Variants in SMAP1 observed in about 807,000 individuals in gnomAD.
SMAP1 encodes stromal membrane-associated protein 1.
In SMAP1, 24 loss-of-function variants were observed where a neutral mutation model predicts 58.5. The ratio of observed to expected loss-of-function variants is 0.41; its 90% confidence interval spans 0.30 to 0.58. The LOEUF is 0.58. SMAP1 is among the 20% of genes least tolerant of loss of function. The pLI is 0.29. For synonymous variants in SMAP1, 216 were observed against 196.6 expected, an observed-to-expected ratio of 1.10 and a Z score of -0.82; for missense variants, 563 against 566.3, an observed-to-expected ratio of 0.99 and a Z score of 0.06.
chr6:70,707,364 CT>C (rs891850094), intron 1 of SMAP1, among the ~76,000 whole-genome samples: 5 of 150,672 alleles, frequency 3.3e-5, no homozygotes, highest in Non-Finnish European at 4.4e-5. Flanking sequence ...TCCTCATTAA[CT>C]TTTTTTTTAG....
intron 2 of SMAP1, among the ~76,000 whole-genome samples, chr6:70,738,858 G>A (rs2149870543): frequency 6.6e-6 from 1 of 152,270 alleles, no homozygotes; most frequent in African/African-American, 2.4e-5. Context: ...AGATGTTTAG[G>A]ATTATAAGAG....
intron 1 of SMAP1, among the ~76,000 whole-genome samples, chr6:70,697,703 A>G (rs556286980): frequency 6.6e-6 from 1 of 152,036 alleles, no homozygotes; most frequent in Non-Finnish European, 1.5e-5. Context: ...TTTTGACTTG[A>G]TGTTACCATG....
chr6:70,712,035 T>TC (rs796702566), intron 1 of SMAP1, among the ~76,000 whole-genome samples: 23 of 152,338 alleles, frequency 1.5e-4, no homozygotes, highest in African/African-American at 5.5e-4. Context: ...TTTCAGTTTC[T>TC]CCCCCACAGA....
At chr6:70,749,765 C>T (rs1263259767) in intron 2 of SMAP1, among the ~76,000 whole-genome samples, 1 of 151,942 alleles carries the variant, frequency 6.6e-6, no homozygotes, top group Non-Finnish European at 1.5e-5. Flanking sequence ...GGACAAAGTA[C>T]AGGGGTAAGA....
chr6:70,795,618 T>C (rs1276612194), intron 5 of SMAP1, among the ~76,000 whole-genome samples: 2 of 152,132 alleles, frequency 1.3e-5, no homozygotes, highest in Non-Finnish European at 2.9e-5. Context: ...CCTAATAATA[T>C]CACATTGGGG....
intron 1 of SMAP1, among the ~76,000 whole-genome samples, chr6:70,702,933 C>T (rs923703302): frequency 6.6e-6 from 1 of 152,122 alleles, no homozygotes; most frequent in African/African-American, 2.4e-5. Context: ...TGCCTGTCCC[C>T]ATGTTCAGTC....
intron 6 of SMAP1, among the ~76,000 whole-genome samples, chr6:70,802,722 T>C (rs951436905): frequency 7.2e-5 from 11 of 152,342 alleles, no homozygotes; most frequent in African/African-American, 1.9e-4. Flanking sequence ...TGAAGGGCTG[T>C]TGAATTTTGT....
At chr6:70,835,380 C>T (rs1294241817) in intron 6 of SMAP1, among the ~76,000 whole-genome samples, 2 of 151,632 alleles carry the variant, frequency 1.3e-5, no homozygotes, top group South Asian at 2.1e-4. Flanking sequence ...TAGAAGTTAA[C>T]GTATCTCTAA....
At chr6:70,668,558 C>T in intron 1 of SMAP1, 1 of 1,533,212 alleles carries the variant, frequency 6.5e-7, no homozygotes. Context: ...GCGCTTAGGT[C>T]TGGATCCCCT....
In SMAP1 at chr6:70,828,911, C is replaced by T. The variant is rs549681045; in HGVS notation, c.577-8030C>T. Among the ~76,000 whole-genome samples, 12 of 152,110 alleles carry T rather than the reference C, an allele frequency of 7.9e-5. No individual in the cohort carries two copies. The East Asian group carries it at 1.7e-3, about 22-fold the overall frequency. ...CAAAACAAAAATTAGCTGGGCATGG[C>T]GGTGCATGCCTATAGTTCCAGCTAC... On this transcript the variant is annotated intron_variant, in intron 6 of 10. Transcript: ENST00000370455.
intron 2 of SMAP1, among the ~76,000 whole-genome samples, chr6:70,737,523 T>C (rs184809592): frequency 4.6e-5 from 7 of 152,334 alleles, no homozygotes; most frequent in Non-Finnish European, 8.8e-5. Flanking sequence ...ATCTCTACTT[T>C]AATAAAAGAT....
chr6:70,726,362 T>A (rs1432106022), intron 1 of SMAP1, among the ~76,000 whole-genome samples: 3 of 152,088 alleles, frequency 2.0e-5, no homozygotes, highest in African/African-American at 7.2e-5. Context: ...CATACAGAGA[T>A]CAATAAAATG....
chr6:70,722,404 T>G (rs1313193300), intron 1 of SMAP1, among the ~76,000 whole-genome samples: 2 of 152,234 alleles, frequency 1.3e-5, no homozygotes, highest in Non-Finnish European at 2.9e-5. Context: ...CACTTAGCTT[T>G]AATCCTTTCT....
chr6:70,845,182 TTTC>T (rs752936555), intron 7 of SMAP1, among the ~76,000 whole-genome samples: 16 of 152,250 alleles, frequency 1.1e-4, no homozygotes, highest in Admixed American at 4.6e-4. Context: ...TTTGACATTT[TTTC>T]TTATTTGTGC....
At chr6:70,704,856 A>G (rs1458801891) in intron 1 of SMAP1, among the ~76,000 whole-genome samples, 1 of 152,214 alleles carries the variant, frequency 6.6e-6, no homozygotes, top group Non-Finnish European at 1.5e-5. Flanking sequence ...TTAAAAAGCA[A>G]AAGTTCTAAT....
chr6:70,787,641 A>G (rs1582187070), intron 4 of SMAP1, among the ~76,000 whole-genome samples: 2 of 152,338 alleles, frequency 1.3e-5, no homozygotes, highest in African/African-American at 4.8e-5. Context: ...TGGGCAAAGG[A>G]TATGAACAGA....
At chr6:70,785,091 A>G (rs1443829612) in intron 4 of SMAP1, among the ~76,000 whole-genome samples, 2 of 152,252 alleles carry the variant, frequency 1.3e-5, no homozygotes, top group African/African-American at 2.4e-5. Flanking sequence ...AACAGAGATT[A>G]TAACAAACTG....
In SMAP1 at chr6:70,802,540, C is replaced by CTA. The variant is rs530543025; in HGVS notation, c.576+3804_576+3805insAT. On this transcript the variant is annotated intron_variant, in intron 6 of 10. Transcript: ENST00000370455. ...ATTGCTCTGGCCAGAACTTCCAACACTGTTGAATAGGAGTGGTGAGAGAGG... is the reference window on the plus strand; with the variant it reads ...ATTGCTCTGGCCAGAACTTCCAACACTATGTTGAATAGGAGTGGTGAGAGAGG... Among the ~76,000 whole-genome samples the CTA allele has an allele frequency of 6.8e-3, 1,029 of 151,604 alleles. 7 individuals carry two copies. The highest frequency in any genetic ancestry group is 0.027 in the Middle Eastern group (8 of 294).
intron 1 of SMAP1, among the ~76,000 whole-genome samples, chr6:70,717,537 A>G (rs1768324670): frequency 6.6e-6 from 1 of 152,076 alleles, no homozygotes; most frequent in African/African-American, 2.4e-5. Flanking sequence ...AACTTTTTCT[A>G]CCTGTTTGGA....
Sources: gnomAD v4.1 joint callset for allele counts (sites outside exome capture counted in the v4.1 genomes callset) on GRCh38, gnomAD v4.1.1 for gene constraint, MANE v1.5 for transcripts, NCBI Gene and HGNC (gene_info 2026-07-23, HGNC 2026-07-21) for gene names.